CNTN5: variants seen among roughly 807,000 people sequenced by gnomAD.
The protein encoded by CNTN5 is contactin-5.
In CNTN5, 77 loss-of-function variants were observed where a neutral mutation model predicts 129.1. That is an observed-to-expected ratio of 0.60 (90% CI 0.50 to 0.72). The LOEUF (loss-of-function observed/expected upper bound fraction) is 0.72, where lower values mean the gene tolerates loss of function less well. Among genes scored for constraint, CNTN5 ranks in the 30% least tolerant of loss-of-function variants. The probability of loss-of-function intolerance (pLI) is 0.00; values close to 1 mark genes in which losing one functional copy is unlikely to be tolerated. For missense variants in CNTN5, 1,478 were observed against 1,328.8 expected, an observed-to-expected ratio of 1.11 and a Z score of -1.75; for synonymous variants, 509 against 465.6, an observed-to-expected ratio of 1.09 and a Z score of -1.20.
At chr11:100,219,983 T>G (rs1233087219) in intron 15 of CNTN5, among the ~76,000 whole-genome samples, 1 of 152,108 alleles carries the variant, frequency 6.6e-6, no homozygotes, top group Admixed American at 6.6e-5. Flanking sequence ...TAGGGTACTT[T>G]AAACAAATTA....
At chr11:99,999,495 A>T (rs1386501366) in intron 8 of CNTN5, among the ~76,000 whole-genome samples, 1 of 152,212 alleles carries the variant, frequency 6.6e-6, no homozygotes, top group African/African-American at 2.4e-5. Context: ...ATCATTAAAA[A>T]GTCAGGAAAC....
intron 15 of CNTN5, among the ~76,000 whole-genome samples, chr11:100,204,315 T>TATATAA (rs1948865267): frequency 1.0e-5 from 1 of 95,990 alleles, no homozygotes; most frequent in South Asian, 3.6e-4. Flanking sequence ...TATATATATA[T>TATATAA]ATATATATAT....
intron 3 of CNTN5, among the ~76,000 whole-genome samples, chr11:99,713,059 A>G (rs79792626): frequency 1.3e-5 from 2 of 152,242 alleles, no homozygotes; most frequent in Non-Finnish European, 2.9e-5. Flanking sequence ...CATTGAATCT[A>G]TAAATTACTT....
chr11:99,883,579 A>T, intron 6 of CNTN5, among the ~76,000 whole-genome samples: 1 of 152,216 alleles, frequency 6.6e-6, no homozygotes, highest in Non-Finnish European at 1.5e-5. Flanking sequence ...TGGCAGAAAG[A>T]TTATGAAGAG....
At chr11:100,082,999 T>A (rs1373386115) in intron 13 of CNTN5, among the ~76,000 whole-genome samples, 1 of 151,990 alleles carries the variant, frequency 6.6e-6, no homozygotes, top group African/African-American at 2.4e-5. Flanking sequence ...AGCAGGCACC[T>A]CACATGGCCA....
intron 1 of CNTN5, among the ~76,000 whole-genome samples, chr11:99,161,558 A>T (rs1433161961): frequency 6.6e-6 from 1 of 152,176 alleles, no homozygotes; most frequent in African/African-American, 2.4e-5. Context: ...GCTCTTTAAG[A>T]ATGGTAGAGC....
At chr11:99,195,582 C>T (rs1391562829) in intron 1 of CNTN5, among the ~76,000 whole-genome samples, 5 of 151,846 alleles carry the variant, frequency 3.3e-5, no homozygotes, top group African/African-American at 1.2e-4. Flanking sequence ...GGTTGAAATT[C>T]TGTTTTTACA....
intron 16 of CNTN5, among the ~76,000 whole-genome samples, chr11:100,253,440 TC>T (rs1368751901): frequency 4.6e-5 from 7 of 152,276 alleles, no homozygotes; most frequent in African/African-American, 1.7e-4. Context: ...TCTTTGAGAT[TC>T]TATTACCTCC....
At chr11:99,806,721 C>T (rs374188166) in intron 3 of CNTN5, among the ~76,000 whole-genome samples, 113 of 151,770 alleles carry the variant, frequency 7.4e-4, no homozygotes, top group African/African-American at 2.6e-3. Flanking sequence ...GCAGGAGAAT[C>T]CCTTGAACCT....
chr11:99,032,117 T>C (rs1242317841), intron 1 of CNTN5, among the ~76,000 whole-genome samples: 1 of 152,124 alleles, frequency 6.6e-6, no homozygotes, highest in African/African-American at 2.4e-5. Context: ...TATGGCTGCA[T>C]ATTATTCCAT....
chr11:99,864,799 G>C (rs1391706442), intron 6 of CNTN5, among the ~76,000 whole-genome samples: 2 of 152,052 alleles, frequency 1.3e-5, no homozygotes, highest in Admixed American at 1.3e-4. Flanking sequence ...AATATTTTCT[G>C]TGTTTATAAT....
intron 1 of CNTN5, among the ~76,000 whole-genome samples, chr11:99,074,135 C>T (rs954415092): frequency 6.6e-6 from 1 of 151,926 alleles, no homozygotes; most frequent in Non-Finnish European, 1.5e-5. Context: ...CCAGTGATAT[C>T]GAGCTTTTTT....
At chr11:100,010,329 A>G (rs189713648) in intron 9 of CNTN5, among the ~76,000 whole-genome samples, 2 of 152,282 alleles carry the variant, frequency 1.3e-5, no homozygotes, top group East Asian at 3.9e-4. Flanking sequence ...AAGGGGGGAA[A>G]AAAAGAATTA....
chr11:99,211,489 G>C (rs1271890792), intron 1 of CNTN5, among the ~76,000 whole-genome samples: 1 of 151,844 alleles, frequency 6.6e-6, no homozygotes, highest in East Asian at 1.9e-4. Context: ...TTCTGATCTA[G>C]AGAACTTGTT....
At chr11:99,873,767 T>G (rs942567704) in intron 6 of CNTN5, among the ~76,000 whole-genome samples, 1 of 152,162 alleles carries the variant, frequency 6.6e-6, no homozygotes, top group African/African-American at 2.4e-5. Context: ...CTCATGTTTA[T>G]CATAGCACTG....
chr11:99,256,353 T>C (rs1269759690), intron 1 of CNTN5, among the ~76,000 whole-genome samples: 2 of 152,032 alleles, frequency 1.3e-5, no homozygotes, highest in African/African-American at 2.4e-5. Flanking sequence ...TTCCTTTGAA[T>C]TGAAAGAGCC....
At chr11:100,317,875 A>G (rs1349853233) in intron 21 of CNTN5, among the ~76,000 whole-genome samples, 2 of 152,180 alleles carry the variant, frequency 1.3e-5, no homozygotes, top group Non-Finnish European at 2.9e-5. Flanking sequence ...GACTCTTAGG[A>G]TATTTTCCTG....
At chr11:99,023,572 G>C (rs2135057478) in intron 1 of CNTN5, among the ~76,000 whole-genome samples, 1 of 152,300 alleles carries the variant, frequency 6.6e-6, no homozygotes, top group African/African-American at 2.4e-5. Context: ...CTAGATGGCT[G>C]TAATACTGTG....
intron 3 of CNTN5, among the ~76,000 whole-genome samples, chr11:99,621,831 GAA>G (rs1169419095): frequency 6.6e-5 from 10 of 152,126 alleles, no homozygotes; most frequent in Admixed American, 6.6e-4. Context: ...AAGTCTAATT[GAA>G]AAGTTAGAAC....
Sources: gnomAD v4.1 joint callset for allele counts (sites outside exome capture counted in the v4.1 genomes callset) on GRCh38, gnomAD v4.1.1 for gene constraint, MANE v1.5 for transcripts, NCBI Gene and HGNC (gene_info 2026-07-23, HGNC 2026-07-21) for gene names.